HCST: variants seen among roughly 807,000 people sequenced by gnomAD.
HCST encodes the protein hematopoietic cell signal transducer.
A neutral mutation model predicts 10.8 loss-of-function variants in HCST; 12 were observed. The observed-to-expected ratio is 1.12, with a 90% CI of 0.72 to 1.81. The LOEUF (loss-of-function observed/expected upper bound fraction) is 1.81, where lower values mean the gene tolerates loss of function less well. Ranked by LOEUF, HCST falls within the 40% of genes most tolerant of loss-of-function variation. HCST has a pLI of 0.00. For missense variants in HCST, 102 were observed against 117.9 expected (o/e 0.87, Z 0.62); for synonymous variants, 59 against 51.6 (o/e 1.14, Z -0.61).
Position 35,904,367 on chromosome 19 carries a change from G to A in HCST, c.*207G>A. 1 of 798,238 alleles carries A rather than the reference G, an allele frequency of 1.3e-6. No individual in the cohort carries two copies. The highest frequency in any genetic ancestry group is 2.1e-6 in the Non-Finnish European group (1 of 469,978). 49.4% of individuals were successfully genotyped at this position (798,238 alleles called of 1,614,324 possible). A position where few individuals can be genotyped will look rare whatever the true frequency, so the allele number is the denominator to read the frequency against. ...CAAGGCCCCCTCAGAACCCCCACAT[G>A]TCCCCATCCCATCAGCCCAAGGATC... is the stretch of plus-strand genomic sequence containing the variant. On this transcript the variant is annotated 3_prime_UTR_variant, in exon 4 of 4. Coordinates refer to ENST00000246551, the MANE Select transcript of HCST (RefSeq NM_014266.4).
At chr19:35,902,670 A>C (rs762812905) in intron 1 of HCST, 34 bp downstream of exon 1, 1 of 1,610,424 alleles carries the variant, frequency 6.2e-7, no homozygotes, top group Non-Finnish European at 8.5e-7. Context: ...TGGTAGGCAG[A>C]GCGTTTGTGA....
At chr19:35,903,705 G>T (rs1975639527) in intron 2 of HCST, 67 bp from the exon 3 acceptor site, 1 of 1,611,902 alleles carries the variant, frequency 6.2e-7, no homozygotes, top group Non-Finnish European at 8.5e-7. Context: ...CTCTCTGCCT[G>T]TGGCCAAAGC....
chr19:35,903,775 C>T lies in HCST; in HGVS notation c.113C>T (p.Ser38Phe). The T allele has an allele frequency of 1.2e-6, 2 of 1,614,138 alleles. No homozygotes were observed. Among genetic ancestry groups the T allele is most frequent in the Non-Finnish European group, 1.7e-6 (2 of 1,180,028 alleles). Residue 38 changes from serine (S) to phenylalanine (F), a missense_variant, in exon 3 of 4, where the codon TCT becomes TTT. Ser to Phe is a radical substitution (Grantham distance 155). Coordinates refer to ENST00000246551, the MANE Select transcript of HCST (RefSeq NM_014266.4). ...TGTTCCGGCCCCCACTCTCCAGGCT[C>T]TTGTTCCGGATGTGGGTCCCTCTCT... is the stretch of plus-strand genomic sequence containing the variant. The part of the protein sequence containing the change: ...LPAFYPGTSG[S>F]CSGCGSLSLP...
chr19:35,902,884 G>T, intron 1 of HCST: 1 of 532,346 alleles, frequency 1.9e-6, no homozygotes, highest in Non-Finnish European at 3.4e-6. Context: ...CCAATTTCTT[G>T]TCACTCTCCA....
In HCST at chr19:35,903,756, G is replaced by C; in HGVS notation, c.110-16G>C. On this transcript the variant is annotated splice_polypyrimidine_tract_variant and intron_variant, in intron 2 of 3. Transcript: ENST00000246551. ...AGAGCTTGAGTTGTCTCCCTGTTCC[G>C]GCCCCCACTCTCCAGGCTCTTGTTC... The C allele has an allele frequency of 1.2e-6, 2 of 1,613,970 alleles. No homozygotes were observed. The highest frequency in any genetic ancestry group is 1.7e-6 in the Non-Finnish European group (2 of 1,180,012).
In HCST at chr19:35,904,169, CAG is replaced by C; in HGVS notation, c.*10_*11del. 5 of 1,613,840 alleles carry C rather than the reference CAG, an allele frequency of 3.1e-6. No individual in the cohort carries two copies. The highest frequency in any genetic ancestry group is 4.2e-6 in the Non-Finnish European group (5 of 1,179,704). On this transcript the variant is annotated 3_prime_UTR_variant, in exon 4 of 4. Coordinates refer to ENST00000246551, the MANE Select transcript of HCST (RefSeq NM_014266.4). ...TGCCAGGCAGGGGCTGACCCTCCTG[CAG>C]CTTGGACCTTTGACTTCTGACCCTC... is the stretch of plus-strand genomic sequence containing the variant.
intron 3 of HCST, 93 bp downstream of exon 3, chr19:35,903,996 G>T (rs1167602225): frequency 2.0e-5 from 31 of 1,582,110 alleles, no homozygotes; most frequent in Non-Finnish European, 2.4e-5. Context: ...CCTGGAGGAG[G>T]TGCTGGGGAA....
chr19:35,903,126 G>C, intron 1 of HCST: 1 of 503,420 alleles, frequency 2.0e-6, no homozygotes, highest in East Asian at 3.8e-5. Flanking sequence ...GAGTAACTGG[G>C]ATTACAGGTG....
intron 1 of HCST, 155 bp downstream of exon 1, chr19:35,902,791 G>T (rs1365006209): frequency 9.7e-6 from 7 of 722,312 alleles, no homozygotes; most frequent in Admixed American, 2.6e-5. Flanking sequence ...GGGTCCTTGG[G>T]GGCGGAAGGG....
At position 35,903,456 on chromosome 19, in the gene HCST, G is replaced by A. The variant is rs2146981938; in HGVS notation, c.109+40G>A. ...CCAGAAGCTTGGCCAGAGGCTCCCA[G>A]AACACCCCAGTGGTTCTCCAGGTCA... On this transcript the variant is annotated intron_variant, in intron 2 of 3. Transcript: ENST00000246551. The A allele has an allele frequency of 2.6e-6, 4 of 1,536,122 alleles. No homozygotes were observed. In the East Asian group the frequency reaches 9.0e-5, roughly 35 times the overall value.
Position 35,903,066 on chromosome 19 carries a change from C to T in HCST, c.44-285C>T, listed in dbSNP as rs375246226. The T allele has an allele frequency of 9.6e-5, 44 of 457,552 alleles. 1 individual carries two copies. The highest frequency in any genetic ancestry group is 7.3e-4 in the Admixed American group (21 of 28,806). 28.3% of individuals were successfully genotyped at this position (457,552 alleles called of 1,614,324 possible). A position where few individuals can be genotyped will look rare whatever the true frequency, so the allele number is the denominator to read the frequency against. Reference sequence around the variant, plus strand: ...AGTGCAGTGGCACAATCACGGCTCACGGCAGCCTTGACTTCCTGGGCTCAG... The same window carrying T: ...AGTGCAGTGGCACAATCACGGCTCATGGCAGCCTTGACTTCCTGGGCTCAG... On this transcript the variant is annotated intron_variant, in intron 1 of 3. Coordinates refer to ENST00000246551, the MANE Select transcript of HCST (RefSeq NM_014266.4).
In HCST at chr19:35,903,343, T is replaced by C. The variant is rs74258162; in HGVS notation, c.44-8T>C. On this transcript the variant is annotated splice_region_variant and splice_polypyrimidine_tract_variant and intron_variant, in intron 1 of 3. Transcript: ENST00000246551. Reference sequence around the variant, plus strand: ...CCACCCTCATCCACCTTCTTTCTCTTTCCACAGTGGCTGCAGCTCAGACGA... The same window carrying C: ...CCACCCTCATCCACCTTCTTTCTCTCTCCACAGTGGCTGCAGCTCAGACGA... 0.011 allele frequency: 17,078 copies of C among 1,612,340 alleles called. 838 individuals are homozygous for C. The African/African-American group carries it at 0.14, about 13-fold the overall frequency.
chr19:35,903,633 C>T (rs1975637973), intron 2 of HCST, 139 bp from the exon 3 acceptor site: 1 of 1,257,554 alleles, frequency 8.0e-7, no homozygotes, highest in Non-Finnish European at 1.1e-6. Flanking sequence ...CATCTGTCTC[C>T]CGTTTCATTC....
At chr19:35,904,062 C>T (rs1975656785) in intron 3 of HCST, 58 bp from the exon 4 acceptor site, 2 of 1,608,744 alleles carry the variant, frequency 1.2e-6, no homozygotes, top group Non-Finnish European at 1.7e-6. Flanking sequence ...GCAGGGGGTC[C>T]CCAGGGAAGT....
chr19:35,904,164 T>G lies in HCST; in HGVS notation c.*4T>G. ...CAACATGCCAGGCAGGGGCTGACCC[T>G]CCTGCAGCTTGGACCTTTGACTTCT... On this transcript the variant is annotated 3_prime_UTR_variant, in exon 4 of 4. Coordinates refer to ENST00000246551, the MANE Select transcript of HCST (RefSeq NM_014266.4). 1.2e-6 allele frequency: 2 copies of G among 1,613,928 alleles called. No homozygotes were observed. The highest frequency in any genetic ancestry group is 1.7e-6 in the Non-Finnish European group (2 of 1,179,812).
At position 35,904,082 on chromosome 19, in the gene HCST, G is replaced by T. The variant is rs372752422; in HGVS notation, c.242-38G>T. The T allele has an allele frequency of 6.2e-6, 10 of 1,612,928 alleles. No individual in the cohort carries two copies. The African/African-American group carries it at 8.0e-5, about 13-fold the overall frequency. On this transcript the variant is annotated intron_variant, in intron 3 of 3. Transcript: ENST00000246551. The stretch of plus-strand genomic sequence containing the variant: ...GGGTCCCCAGGGAAGTGGAGATATG[G>T]GTGGTCAAGCTTCATGCTTTCTCTC...
At position 35,903,823 on chromosome 19, in the gene HCST, T is replaced by TGAG. The variant is rs1568502200; in HGVS notation, c.162_163insAGG (p.Val54_Ala55insArg). 1 of 1,613,954 alleles carries TGAG rather than the reference T, an allele frequency of 6.2e-7. No individual in the cohort carries two copies. The highest frequency in any genetic ancestry group is 1.7e-5 in the Admixed American group (1 of 60,020). On this transcript the variant is annotated inframe_insertion, in exon 3 of 4. Coordinates refer to ENST00000246551, the MANE Select transcript of HCST (RefSeq NM_014266.4). The stretch of plus-strand genomic sequence containing the variant: ...TCTCTGCCGCTCCTGGCAGGCCTCG[T>TGAG]GGCTGCTGATGCGGTGGCATCGCTG...
chr19:35,903,461 C>T (rs1296895415), intron 2 of HCST, 45 bp downstream of exon 2: 2 of 1,504,978 alleles, frequency 1.3e-6, no homozygotes, highest in Non-Finnish European at 1.8e-6. Context: ...TCCCAGAACA[C>T]CCCAGTGGTT....
Position 35,904,243 on chromosome 19 carries a change from T to C in HCST, c.*83T>C. On this transcript the variant is annotated 3_prime_UTR_variant, in exon 4 of 4. Transcript: ENST00000246551. ...GGCACAGGAACCCCCGCCCCAACTT[T>C]TGGATTGTAATAAAACAATTGAAAC... 1 of 1,410,458 alleles carries C rather than the reference T, an allele frequency of 7.1e-7. No individual in the cohort carries two copies. 87.4% of individuals were successfully genotyped at this position (1,410,458 alleles called of 1,614,324 possible).
Sources: allele counts gnomAD v4.1 joint callset, GRCh38; gene constraint gnomAD v4.1.1; transcripts MANE v1.5; gene names NCBI Gene and HGNC (gene_info 2026-07-23, HGNC 2026-07-21).